The following PRKG1 variants were observed in gnomAD, a reference collection of about 807,000 sequenced individuals.
PRKG1 encodes the protein cGMP-dependent protein kinase 1.
In PRKG1, 35 loss-of-function variants were observed where a neutral mutation model predicts 88.1. The ratio of observed to expected loss-of-function variants is 0.40; its 90% confidence interval spans 0.30 to 0.53. The LOEUF (loss-of-function observed/expected upper bound fraction) is 0.53. Ranked by LOEUF, PRKG1 falls within the 20% of genes least tolerant of loss-of-function variation. The pLI, the probability that PRKG1 is intolerant of heterozygous loss-of-function variation, is 0.59. For missense variants in PRKG1, 540 were observed against 839.8 expected (o/e 0.64, Z 4.41); for synonymous variants, 303 against 292.5 (o/e 1.04, Z -0.37).
intron 7 of PRKG1, among the ~76,000 whole-genome samples, chr10:52,119,307 C>A (rs1011190595): frequency 1.3e-5 from 2 of 152,134 alleles, no homozygotes; most frequent in African/African-American, 4.8e-5. Flanking sequence ...TTTTGATCAA[C>A]ATTTCACATG....
intron 5 of PRKG1, among the ~76,000 whole-genome samples, chr10:52,049,368 A>G (rs1239261922): frequency 6.6e-6 from 1 of 152,166 alleles, no homozygotes; most frequent in East Asian, 1.9e-4. Flanking sequence ...AAAAAAAGCC[A>G]GCAAGTCTGA....
At chr10:52,099,913 G>A (rs942431598) in intron 7 of PRKG1, among the ~76,000 whole-genome samples, 1 of 152,180 alleles carries the variant, frequency 6.6e-6, no homozygotes, top group African/African-American at 2.4e-5. Flanking sequence ...ACAGTGCTTG[G>A]CATATGGCTG....
intron 1 of PRKG1, among the ~76,000 whole-genome samples, chr10:51,022,725 G>T (rs1427279211): frequency 6.6e-6 from 1 of 152,108 alleles, no homozygotes; most frequent in Non-Finnish European, 1.5e-5. Flanking sequence ...AAAGATCCTT[G>T]TCCACTTTTA....
intron 5 of PRKG1, among the ~76,000 whole-genome samples, chr10:51,950,473 G>A (rs552053021): frequency 6.6e-6 from 1 of 152,214 alleles, no homozygotes; most frequent in Non-Finnish European, 1.5e-5. Flanking sequence ...TGCCAGACTC[G>A]CAGCAGGGGC....
At chr10:51,944,592 A>G (rs1842983884) in intron 5 of PRKG1, among the ~76,000 whole-genome samples, 2 of 152,064 alleles carry the variant, frequency 1.3e-5, no homozygotes, top group African/African-American at 4.8e-5. Context: ...GTGGGCATTT[A>G]GTGCTATAAA....
At chr10:51,781,575 A>T (rs1838589954) in intron 3 of PRKG1, among the ~76,000 whole-genome samples, 1 of 152,104 alleles carries the variant, frequency 6.6e-6, no homozygotes, top group African/African-American at 2.4e-5. Flanking sequence ...ATCTTTTTAT[A>T]CTGTTCACAG....
At chr10:52,235,656 A>T in intron 9 of PRKG1, among the ~76,000 whole-genome samples, 1 of 52,626 alleles carries the variant, frequency 1.9e-5, no homozygotes, top group African/African-American at 7.6e-5. Flanking sequence ...GAGCACCCAG[A>T]TTCATAAAGC....
chr10:52,293,732 C>T, intron 17 of PRKG1, 70 bp from the exon 18 acceptor site: 4 of 1,215,250 alleles, frequency 3.3e-6, no homozygotes, highest in Non-Finnish European at 4.9e-6. Flanking sequence ...ATACAGAATG[C>T]ACTTAAAAAT....
intron 7 of PRKG1, among the ~76,000 whole-genome samples, chr10:52,127,518 C>T (rs991553702): frequency 2.6e-5 from 4 of 151,982 alleles, no homozygotes; most frequent in Non-Finnish European, 5.9e-5. Flanking sequence ...CATCTATGGG[C>T]TAGGGATGAA....
chr10:51,239,811 A>G (rs1839102468), intron 2 of PRKG1, among the ~76,000 whole-genome samples: 1 of 152,202 alleles, frequency 6.6e-6, no homozygotes, highest in Admixed American at 6.5e-5. Flanking sequence ...GTATAACCTC[A>G]GGCAGGTTGT....
intron 3 of PRKG1, among the ~76,000 whole-genome samples, chr10:51,681,243 G>C (rs978707309): frequency 6.6e-6 from 1 of 152,040 alleles, no homozygotes; most frequent in Non-Finnish European, 1.5e-5. Context: ...GTTCTCAATA[G>C]CTTTATGTAG....
intron 3 of PRKG1, chr10:51,697,303 AC>A (rs1841320900): frequency 1.2e-5 from 2 of 165,444 alleles, no homozygotes; most frequent in Non-Finnish European, 2.6e-5. Flanking sequence ...AAATCTTAAA[AC>A]TATCTTAGTA....
chr10:51,588,823 AT>A (rs1399465750), intron 3 of PRKG1, among the ~76,000 whole-genome samples: 5 of 152,218 alleles, frequency 3.3e-5, no homozygotes, highest in African/African-American at 7.2e-5. Context: ...TGAGCTTTCC[AT>A]CAAAAGGCTA....
At chr10:52,053,421 A>C (rs75062856) in intron 5 of PRKG1, among the ~76,000 whole-genome samples, 6,920 of 152,266 alleles carry the variant, frequency 0.045, 212 homozygotes, top group South Asian at 0.11. Flanking sequence ...GTATTGAAGC[A>C]TAAGGACAAA....
In PRKG1 at chr10:51,222,041, A is replaced by T. The variant is rs60995015; in HGVS notation, c.478+68711A>T. On this transcript the variant is annotated intron_variant, in intron 2 of 17. Coordinates refer to ENST00000373980, the MANE Select transcript of PRKG1 (RefSeq NM_006258.4). Reference sequence around the variant, plus strand: ...AGGTGCCCACCACCACGCCTGGCTAATTTTTTTGTATTTGTATTAGACACG... The same window carrying T: ...AGGTGCCCACCACCACGCCTGGCTATTTTTTTTGTATTTGTATTAGACACG... Among the ~76,000 whole-genome samples the T allele has an allele frequency of 3.3e-3, 496 of 151,236 alleles. 6 individuals are homozygous for T. The highest frequency in any genetic ancestry group is 0.01 in the African/African-American group (428 of 41,206).
At chr10:52,290,050 T>A (rs1018937238) in intron 16 of PRKG1, among the ~76,000 whole-genome samples, 174 bp from the exon 17 acceptor site, 1 of 152,212 alleles carries the variant, frequency 6.6e-6, no homozygotes, top group African/African-American at 2.4e-5. Flanking sequence ...TTTAAAAATA[T>A]GTATTTCATA....
At chr10:51,055,150 C>A (rs1843611268) in intron 1 of PRKG1, among the ~76,000 whole-genome samples, 1 of 152,244 alleles carries the variant, frequency 6.6e-6, no homozygotes, top group East Asian at 1.9e-4. Context: ...AGAAGGATCT[C>A]AGAAGTGGTA....
At chr10:51,219,506 G>A (rs1838466617) in intron 2 of PRKG1, among the ~76,000 whole-genome samples, 1 of 151,840 alleles carries the variant, frequency 6.6e-6, no homozygotes, top group Non-Finnish European at 1.5e-5. Context: ...TCAGGGGTTT[G>A]AGACCAGCCT....
intron 1 of PRKG1, among the ~76,000 whole-genome samples, chr10:51,130,917 C>CA: frequency 6.6e-6 from 1 of 150,880 alleles, no homozygotes; most frequent in South Asian, 2.1e-4. Context: ...TAAACAAAAA[C>CA]AAAAAAAGAA....
Sources: gnomAD v4.1 joint callset for allele counts (sites outside exome capture counted in the v4.1 genomes callset) on GRCh38, gnomAD v4.1.1 for gene constraint, MANE v1.5 for transcripts, NCBI Gene and HGNC (gene_info 2026-07-23, HGNC 2026-07-21) for gene names.